ZC3H11A: variants seen among roughly 807,000 people sequenced by gnomAD.
The protein encoded by ZC3H11A is zinc finger CCCH-type containing 11A.
In ZC3H11A, 22 loss-of-function variants were observed where a neutral mutation model predicts 90.8. The ratio of observed to expected loss-of-function variants is 0.24; its 90% CI spans 0.17 to 0.35. The LOEUF (loss-of-function observed/expected upper bound fraction) is 0.35. Among genes scored for constraint, ZC3H11A ranks in the 10% least tolerant of loss-of-function variants. The pLI, the probability that ZC3H11A is intolerant of heterozygous loss-of-function variation, is 1.00. For synonymous variants in ZC3H11A, 294 were observed against 339.8 expected (o/e 0.87, Z 1.48); for missense variants, 701 against 964.9 (o/e 0.73, Z 3.62).
chr1:203,815,875 G>T (rs1676209547), intron 2 of ZC3H11A, among the ~76,000 whole-genome samples: 1 of 152,146 alleles, frequency 6.6e-6, no homozygotes, highest in Non-Finnish European at 1.5e-5. Flanking sequence ...TTTGTTATAT[G>T]CTTTTGTAGA....
chr1:203,829,856 A>G lies in ZC3H11A; in HGVS notation c.579A>G (p.Arg193=), dbSNP rs755564148. ...QPTPEVHNGL[R]VTSVRKPAVN... The stretch of plus-strand genomic sequence containing the variant: ...CTCCTGAAGTTCACAATGGATTACG[A>G]GTGACTTCTGTCCGGAAACCTGCAG... Residue 193 remains arginine, a synonymous_variant, in exon 7 of 18, where the codon CGA becomes CGG. Coordinates refer to ENST00000367210, the MANE Select transcript of ZC3H11A (RefSeq NM_001376342.1). 4 of 1,614,046 alleles carry G rather than the reference A, an allele frequency of 2.5e-6. No homozygotes were observed. The highest frequency in any genetic ancestry group is 3.4e-6 in the Non-Finnish European group (4 of 1,180,022).
At position 203,809,846 on chromosome 1, in the gene ZC3H11A, C is replaced by T. The variant is rs536036157; in HGVS notation, c.-146+6830C>T. Among the ~76,000 whole-genome samples the T allele has an allele frequency of 2.0e-3, 306 of 152,012 alleles. 1 individual carries two copies. The highest frequency in any genetic ancestry group is 7.1e-3 in the African/African-American group (296 of 41,454). On this transcript the variant is annotated intron_variant, in intron 2 of 17. Coordinates refer to ENST00000367210, the MANE Select transcript of ZC3H11A (RefSeq NM_001376342.1). ...GCAGGCGCCTGTAATTCCAGCTACTCGGGAGGGTGAGGCAGGAGAATTGCT... is the reference window on the plus strand; with the variant it reads ...GCAGGCGCCTGTAATTCCAGCTACTTGGGAGGGTGAGGCAGGAGAATTGCT...
intron 16 of ZC3H11A, 22 bp from the exon 17 acceptor site, chr1:203,851,035 T>A: frequency 6.2e-7 from 1 of 1,613,204 alleles, no homozygotes; most frequent in Non-Finnish European, 8.5e-7. Context: ...CTCACTGAAT[T>A]ACCTGACTCT....
chr1:203,832,800 G>A (rs1342133252), intron 9 of ZC3H11A, among the ~76,000 whole-genome samples: 1 of 152,238 alleles, frequency 6.6e-6, no homozygotes, highest in African/African-American at 2.4e-5. Context: ...ATCAGAGATA[G>A]TTATATTGGA....
rs1668170054 is a variant in ZC3H11A at position 203,795,725 on chromosome 1, A to C, written c.-1657A>C. 1 of 152,228 alleles carries C rather than the reference A, an allele frequency of 6.6e-6. No individual in the cohort carries two copies. Among genetic ancestry groups the C allele is most frequent in the Non-Finnish European group, 1.5e-5 (1 of 68,044 alleles). The allele number at this position is 152,228 out of a possible 1,614,324, so 9.4% of individuals were successfully genotyped here. On this transcript the variant is annotated 5_prime_UTR_variant, in exon 1 of 18. Coordinates refer to ENST00000367210, the MANE Select transcript of ZC3H11A (RefSeq NM_001376342.1). ...GACGACGGACGGCAGCGGCCAAGCA[A>C]GAAGAAAGACGTGGCAGCAAGCGGG...
intron 3 of ZC3H11A, among the ~76,000 whole-genome samples, chr1:203,818,125 C>T (rs978643544): frequency 2.6e-5 from 4 of 151,998 alleles, no homozygotes; most frequent in South Asian, 2.1e-4. Context: ...ACAACAGTAG[C>T]GTTTTATTTC....
At chr1:203,799,780 C>A in intron 1 of ZC3H11A, 1 of 1,027,218 alleles carries the variant, frequency 9.7e-7, no homozygotes, top group Non-Finnish European at 1.5e-6. Context: ...GAAACAGATA[C>A]CCTACTAAGT....
At chr1:203,828,235 A>G (rs1365831684) in intron 4 of ZC3H11A, 64 bp from the exon 5 acceptor site, 11 of 1,595,796 alleles carry the variant, frequency 6.9e-6, no homozygotes, top group Non-Finnish European at 9.4e-6. Flanking sequence ...CTAGAAAACA[A>G]ACTGCCACAT....
At chr1:203,828,253 C>G in intron 4 of ZC3H11A, 46 bp from the exon 5 acceptor site, 1 of 1,610,350 alleles carries the variant, frequency 6.2e-7, no homozygotes, top group Non-Finnish European at 8.5e-7. Context: ...CATGAATATA[C>G]GTATCACTGT....
rs763993670 is a variant in ZC3H11A, at chr1:203,829,499, G to C, written c.347G>C (p.Ser116Thr). 30 of 1,613,858 alleles carry C rather than the reference G, an allele frequency of 1.9e-5. No individual in the cohort carries two copies. The highest frequency in any genetic ancestry group is 1.4e-5 in the Non-Finnish European group (16 of 1,179,916). ...PESPEEEVKA[S>T]QLSVQQNKLS... ...TCACCAGAAGAGGAAGTGAAGGCTA[G>C]CCAACTTTCAGTTCAGCAGAACAAA... The change falls in exon 6 of 18, where the codon AGC (serine) becomes ACC (threonine). Residue 116 changes from serine to threonine, a missense_variant. This residue lies in a region of ZC3H11A where 530 missense variants were observed against 696.2 expected (regional missense o/e 0.76). Transcript: ENST00000367210.
rs577261096 is a variant in ZC3H11A, at chr1:203,796,709, GTTAC to G, written c.-1588+920_-1588+923del. The G allele has an allele frequency of 2.5e-4, 91 of 361,422 alleles. No individual in the cohort carries two copies. In the Admixed American group the frequency reaches 2.7e-3, roughly 11 times the overall value. 22.4% of individuals were successfully genotyped at this position (361,422 alleles called of 1,614,324 possible). On this transcript the variant is annotated intron_variant, in intron 1 of 17. Transcript: ENST00000367210. ...TATCTCTATAGCGTACAACTTGTGA[GTTAC>G]TTACAGGCTGTAAAAGCTTCTCAAG...
At chr1:203,807,995 G>T (rs1482695901) in intron 2 of ZC3H11A, among the ~76,000 whole-genome samples, 2 of 152,060 alleles carry the variant, frequency 1.3e-5, no homozygotes, top group African/African-American at 2.4e-5. Flanking sequence ...TCCTGTCTCG[G>T]CCTCTCAAAG....
chr1:203,824,510 A>G (rs925901503), intron 4 of ZC3H11A, among the ~76,000 whole-genome samples: 2 of 152,146 alleles, frequency 1.3e-5, no homozygotes, highest in African/African-American at 2.4e-5. Context: ...CCCCCAAATC[A>G]GTACTTGGCC....
chr1:203,798,410 G>A (rs892007134), intron 1 of ZC3H11A: 2 of 1,533,856 alleles, frequency 1.3e-6, no homozygotes, highest in Non-Finnish European at 8.7e-7. Flanking sequence ...GCCGGGGTAG[G>A]CCAGGGTCCC....
Position 203,800,274 on chromosome 1 carries a change from A to T in ZC3H11A, c.-1587-1301A>T, listed in dbSNP as rs1008931524. On this transcript the variant is annotated intron_variant, in intron 1 of 17. Transcript: ENST00000367210. ...CATGTGTAGTTGGCAATCTGAATGT[A>T]TCTTTACTAAAAATAGCCACTTTCA... 4 of 1,026,070 alleles carry T rather than the reference A, an allele frequency of 3.9e-6. No individual in the cohort carries two copies. In the African/African-American group the frequency reaches 6.3e-5, roughly 16 times the overall value. The allele number at this position is 1,026,070 out of a possible 1,614,324, so 63.6% of individuals were successfully genotyped here.
chr1:203,841,812 T>G (rs1558137791), intron 12 of ZC3H11A, among the ~76,000 whole-genome samples: 7 of 143,216 alleles, frequency 4.9e-5, no homozygotes, highest in Non-Finnish European at 9.4e-5. Context: ...ACGGGGCGGC[T>G]GCCGGGCGGA....
At chr1:203,831,183 A>G (rs1240329847) in intron 8 of ZC3H11A, among the ~76,000 whole-genome samples, 2 of 151,842 alleles carry the variant, frequency 1.3e-5, no homozygotes, top group African/African-American at 4.8e-5. Context: ...ACCTCAGGTA[A>G]TCCACTGCGC....
intron 5 of ZC3H11A, 116 bp from the exon 6 acceptor site, chr1:203,829,335 T>G: frequency 4.8e-6 from 5 of 1,039,950 alleles, no homozygotes; most frequent in South Asian, 3.1e-5. Context: ...ATGAGGAAAT[T>G]TAGTATAAAT....
intron 12 of ZC3H11A, 136 bp from the exon 13 acceptor site, chr1:203,847,048 A>G (rs1441904263): frequency 2.5e-5 from 23 of 922,730 alleles, no homozygotes; most frequent in Non-Finnish European, 8.3e-6. Context: ...AATAAATGTT[A>G]CCCTTTTGAT....
Sources: gnomAD v4.1 joint callset for allele counts (sites outside exome capture counted in the v4.1 genomes callset) on GRCh38, gnomAD v4.1.1 for gene constraint, gnomAD v4.1.1 regional missense constraint, MANE v1.5 for transcripts, NCBI Gene and HGNC (gene_info 2026-07-23, HGNC 2026-07-21) for gene names.